The following UBE2QL1 variants were observed in gnomAD, a reference collection of about 807,000 sequenced individuals.
The protein encoded by UBE2QL1 is ubiquitin-conjugating enzyme E2Q-like protein 1.
In UBE2QL1, 5 loss-of-function variants were observed where a neutral mutation model predicts 12.6. That is an observed-to-expected ratio of 0.40 (90% CI 0.21 to 0.83). UBE2QL1 has a LOEUF of 0.83. Among genes scored for constraint, UBE2QL1 ranks in the 40% least tolerant of loss-of-function variants. UBE2QL1 has a pLI of 0.37. For missense variants in UBE2QL1, 99 were observed against 222.6 expected (o/e 0.44, Z 3.53); for synonymous variants, 96 against 94.5 (o/e 1.02, Z -0.10).
intron 1 of UBE2QL1, among the ~76,000 whole-genome samples, chr5:6,453,325 C>T (rs1053974430): frequency 6.6e-5 from 10 of 152,114 alleles, no homozygotes; most frequent in Admixed American, 2.0e-4. Context: ...AAATGGCAGT[C>T]GGGCCAGGTG....
chr5:6,474,568 A>G (rs1014854365), intron 1 of UBE2QL1, among the ~76,000 whole-genome samples: 2 of 152,224 alleles, frequency 1.3e-5, no homozygotes, highest in Non-Finnish European at 2.9e-5. Context: ...CTGGGTGAGA[A>G]TTAGATGACA....
rs114648003 is a variant in UBE2QL1 at position 6,491,304 on chromosome 5, G to A, written c.441G>A (p.Thr147=). The change falls in exon 2 of 2, where the codon ACG becomes ACA. Residue 147 remains threonine (T), a synonymous_variant. Transcript: ENST00000399816. ...CTACCTTTAAGAGTTTGGTGAAGAC[G>A]CATGAAAAATATGGTTGGGTCACCC... The part of the protein sequence containing the change: ...AEATFKSLVK[T]HEKYGWVTPP... The A allele has an allele frequency of 1.3e-4, 204 of 1,551,262 alleles. No individual in the cohort carries two copies. In the African/African-American group the frequency reaches 2.4e-3, roughly 19 times the overall value.
rs1437376534 is a variant in UBE2QL1 at position 6,478,620 on chromosome 5, C to T, written c.355-12598C>T. ...TCCTAGTGACATTCTTGGTCTCTTT[C>T]GGTTTTTTTTTTTTTGGACTTTAAC... On this transcript the variant is annotated intron_variant, in intron 1 of 1. Transcript: ENST00000399816. This position sits in a 1 kb window ranked among gnomAD's most constrained non-coding sequence, Gnocchi z 4.5. 5.5e-5 allele frequency among the ~76,000 whole-genome samples: 8 copies of T among 146,576 alleles called. No individual in the cohort carries two copies. The South Asian group carries it at 1.3e-3, about 23-fold the overall frequency.
At position 6,478,989 on chromosome 5, in the gene UBE2QL1, C is replaced by G; in HGVS notation, c.355-12229C>G. ...TTCCTAGGAGTGAGGAAGGCCAGGC[C>G]TCATGACAGAGCTGCCTGCCCTGGG... On this transcript the variant is annotated intron_variant, in intron 1 of 1. Coordinates refer to ENST00000399816, the MANE Select transcript of UBE2QL1 (RefSeq NM_001145161.3). This position sits in a 1 kb window ranked among gnomAD's most constrained non-coding sequence, Gnocchi z 4.5. Among the ~76,000 whole-genome samples the G allele has an allele frequency of 6.6e-6, 1 of 152,234 alleles. No homozygotes were observed. The highest frequency in any genetic ancestry group is 1.9e-4 in the East Asian group (1 of 5,172).
intron 1 of UBE2QL1, among the ~76,000 whole-genome samples, chr5:6,472,454 G>A (rs79665333): frequency 0.065 from 9,877 of 152,124 alleles, 556 homozygotes; most frequent in African/African-American, 0.14. Context: ...ACCTGGCATC[G>A]TCCTCCCCTC....
chr5:6,491,401 A>AC lies in UBE2QL1; in HGVS notation c.*55dup. On this transcript the variant is annotated 3_prime_UTR_variant, in exon 2 of 2. Coordinates refer to ENST00000399816, the MANE Select transcript of UBE2QL1 (RefSeq NM_001145161.3). ...AGCGCCTGTCCACACACACACCAGT[A>AC]CCCTGACATCTCCTCAATGCTGTGC... The AC allele has an allele frequency of 6.7e-7, 1 of 1,501,886 alleles. No homozygotes were observed. Among genetic ancestry groups the AC allele is most frequent in the Non-Finnish European group, 8.9e-7 (1 of 1,125,802 alleles). The allele number at this position is 1,501,886 out of a possible 1,614,324, so 93.0% of individuals were successfully genotyped here.
chr5:6,491,427 A>G lies in UBE2QL1; in HGVS notation c.*78A>G. On this transcript the variant is annotated 3_prime_UTR_variant, in exon 2 of 2. Coordinates refer to ENST00000399816, the MANE Select transcript of UBE2QL1 (RefSeq NM_001145161.3). ...CCCTGACATCTCCTCAATGCTGTGC[A>G]TCCTCCACCCGTTTTTACTCCAGCC... 2.1e-6 allele frequency: 3 copies of G among 1,441,644 alleles called. No individual in the cohort carries two copies. Among genetic ancestry groups the G allele is most frequent in the Non-Finnish European group, 2.7e-6 (3 of 1,096,070 alleles). 89.3% of individuals were successfully genotyped at this position (1,441,644 alleles called of 1,614,324 possible).
Position 6,492,681 on chromosome 5 carries a change from A to G in UBE2QL1, c.*1332A>G, listed in dbSNP as rs558297134. 6.6e-6 allele frequency: 1 copy of G among 152,250 alleles called. No individual in the cohort carries two copies. Among genetic ancestry groups the G allele is most frequent in the Non-Finnish European group, 1.5e-5 (1 of 68,040 alleles). 9.4% of individuals were successfully genotyped at this position (152,250 alleles called of 1,614,324 possible). ...CTTAAATTTTTTAAATATTGCAAAT[A>G]CTACAACATGTAATTCCAGAGCAGC... On this transcript the variant is annotated 3_prime_UTR_variant, in exon 2 of 2. Coordinates refer to ENST00000399816, the MANE Select transcript of UBE2QL1 (RefSeq NM_001145161.3).
At chr5:6,450,512 G>GA (rs913187315) in intron 1 of UBE2QL1, among the ~76,000 whole-genome samples, 15 of 152,234 alleles carry the variant, frequency 9.9e-5, no homozygotes, top group African/African-American at 1.2e-4. Context: ...TTAGATTTAT[G>GA]AAAAAATCAT....
intron 1 of UBE2QL1, among the ~76,000 whole-genome samples, chr5:6,449,876 C>G (rs570739724): frequency 7.6e-6 from 1 of 131,970 alleles, no homozygotes; most frequent in Non-Finnish European, 1.6e-5. Context: ...CAACCCCCCC[C>G]ACACACACAC....
At chr5:6,449,877 A>AC (rs1439163512) in intron 1 of UBE2QL1, among the ~76,000 whole-genome samples, 8 of 122,582 alleles carry the variant, frequency 6.5e-5, no homozygotes, top group African/African-American at 2.2e-4. Context: ...AACCCCCCCC[A>AC]CACACACACA....
At chr5:6,490,972 G>A (rs1734555961) in intron 1 of UBE2QL1, among the ~76,000 whole-genome samples, 1 of 151,900 alleles carries the variant, frequency 6.6e-6, no homozygotes, top group East Asian at 1.9e-4. Flanking sequence ...CTGTGTGGGG[G>A]TTTGTAAAGA....
intron 1 of UBE2QL1, among the ~76,000 whole-genome samples, chr5:6,462,236 A>G (rs1739686352): frequency 6.6e-6 from 1 of 152,196 alleles, no homozygotes; most frequent in Non-Finnish European, 1.5e-5. Context: ...AAAGCAGCCA[A>G]TGGGCTACCC....
intron 1 of UBE2QL1, among the ~76,000 whole-genome samples, chr5:6,485,601 T>C (rs1326962533): frequency 2.0e-5 from 3 of 152,192 alleles, no homozygotes; most frequent in Non-Finnish European, 2.9e-5. Flanking sequence ...TTACGAGTGC[T>C]TTTAGACTGA....
At chr5:6,471,474 T>C (rs1238210388) in intron 1 of UBE2QL1, among the ~76,000 whole-genome samples, 4 of 152,226 alleles carry the variant, frequency 2.6e-5, no homozygotes, top group African/African-American at 9.6e-5. Context: ...CTGGGTGGTG[T>C]TGGCTGAAGG....
intron 1 of UBE2QL1, among the ~76,000 whole-genome samples, chr5:6,461,399 C>T (rs914723294): frequency 6.6e-6 from 1 of 152,074 alleles, no homozygotes; most frequent in African/African-American, 2.4e-5. Flanking sequence ...TGGGATACAG[C>T]TAACTGATCC....
At chr5:6,484,490 T>C (rs1342736334) in intron 1 of UBE2QL1, among the ~76,000 whole-genome samples, 6 of 152,164 alleles carry the variant, frequency 3.9e-5, no homozygotes, top group Non-Finnish European at 8.8e-5. Flanking sequence ...TCTATAGCCC[T>C]TGGCAAGTCA....
In UBE2QL1 at chr5:6,481,758, CAAT is replaced by C. The variant is rs1294754598; in HGVS notation, c.355-9457_355-9455del. On this transcript the variant is annotated intron_variant, in intron 1 of 1. Transcript: ENST00000399816. This position sits in a 1 kb window ranked among gnomAD's most constrained non-coding sequence, Gnocchi z 4.5. ...CCTCGCCATCTTCTCTGGACCATGA[CAAT>C]AACCTAACTGGACAACACCCCAAAA... Among the ~76,000 whole-genome samples the C allele has an allele frequency of 5.9e-5, 9 of 152,210 alleles. No homozygotes were observed. The highest frequency in any genetic ancestry group is 1.2e-4 in the Non-Finnish European group (8 of 68,036).
intron 1 of UBE2QL1, among the ~76,000 whole-genome samples, chr5:6,449,972 C>T (rs984111556): frequency 5.9e-5 from 9 of 151,570 alleles, no homozygotes; most frequent in Middle Eastern, 3.2e-3. Flanking sequence ...TGTAAATCCG[C>T]CCCCTGCCTT....
Sources: allele counts gnomAD v4.1 joint callset (sites outside exome capture counted in the v4.1 genomes callset), GRCh38; gene constraint gnomAD v4.1.1; non-coding constraint Gnocchi (gnomAD v3.1); transcripts MANE v1.5; gene names NCBI Gene and HGNC (gene_info 2026-07-23, HGNC 2026-07-21).